The following PCDHA1 variants were observed in gnomAD, a reference collection of about 807,000 sequenced individuals.
The protein encoded by PCDHA1 is protocadherin alpha 1.
A neutral mutation model predicts 61.3 loss-of-function variants in PCDHA1; 42 were observed. That is an observed-to-expected ratio of 0.69 (90% CI 0.54 to 0.89). The LOEUF is 0.89. Among genes scored for constraint, PCDHA1 ranks in the 40% least tolerant of loss-of-function variants. The probability of loss-of-function intolerance (pLI) is 0.00; values close to 1 mark genes in which losing one functional copy is unlikely to be tolerated. For synonymous variants in PCDHA1, 610 were observed against 553.8 expected, an observed-to-expected ratio of 1.10 and a Z score of -1.43; for missense variants, 1,256 against 1,235.3, an observed-to-expected ratio of 1.02 and a Z score of -0.25.
At chr5:140,857,449 C>T (rs2044602345) in intron 1 of PCDHA1, 1 of 1,598,510 alleles carries the variant, frequency 6.3e-7, no homozygotes, top group East Asian at 2.2e-5. Context: ...AGGAGAACAA[C>T]CCGCCAGGCT....
At chr5:140,929,122 G>A (rs782041922) in intron 1 of PCDHA1, 24 of 1,614,096 alleles carry the variant, frequency 1.5e-5, no homozygotes, top group Non-Finnish European at 1.8e-5. Flanking sequence ...CACCATAGAT[G>A]TCACTACAGT....
In PCDHA1 at chr5:140,871,203, C is replaced by A. The variant is rs369236762; in HGVS notation, c.2394+82519C>A. On this transcript the variant is annotated intron_variant, in intron 1 of 3. Transcript: ENST00000504120. ...TGGTGGATGTCAACGTGTACCTGAT[C>A]ATCGCCATCTGCGTGGTGTCCAGCC... The A allele has an allele frequency of 6.3e-5, 101 of 1,613,744 alleles. No homozygotes were observed. The African/African-American group carries it at 1.3e-3, about 21-fold the overall frequency.
rs2150475215 is a variant in PCDHA1 at position 140,850,243 on chromosome 5, G to C, written c.2394+61559G>C. 8.4e-5 allele frequency: 134 copies of C among 1,593,880 alleles called. 16 individuals are homozygous for C. Among genetic ancestry groups the C allele is most frequent in the South Asian group, 5.0e-4 (45 of 90,414 alleles). On this transcript the variant is annotated intron_variant, in intron 1 of 3. Transcript: ENST00000504120. ...GGCGCAGTGAGCGAGATGGTGCTGC[G>C]GTCGGTGGGCGCCGGCGTAGTGGTG... is the stretch of plus-strand genomic sequence containing the variant.
At chr5:140,919,510 T>G (rs750733245) in intron 1 of PCDHA1, among the ~76,000 whole-genome samples, 2 of 152,208 alleles carry the variant, frequency 1.3e-5, no homozygotes, top group Non-Finnish European at 2.9e-5. Context: ...TTTTTCTATA[T>G]GTTTTAATTC....
At position 140,828,002 on chromosome 5, in the gene PCDHA1, G is replaced by A. The variant is rs2150150131; in HGVS notation, c.2394+39318G>A. 1.2e-5 allele frequency: 18 copies of A among 1,499,082 alleles called. No individual in the cohort carries two copies. In the African/African-American group the frequency reaches 1.5e-4, roughly 13 times the overall value. 92.9% of individuals were successfully genotyped at this position (1,499,082 alleles called of 1,614,324 possible). ...TGACTGTTGAATGATGGCGGACGCAGAAGAAATGGATTAATAAATTCCGGA... is the reference window on the plus strand; with the variant it reads ...TGACTGTTGAATGATGGCGGACGCAAAAGAAATGGATTAATAAATTCCGGA... On this transcript the variant is annotated intron_variant, in intron 1 of 3. Transcript: ENST00000504120.
At chr5:140,843,023 C>A (rs2150350362) in intron 1 of PCDHA1, 2 of 1,595,030 alleles carry the variant, frequency 1.3e-6, no homozygotes. Context: ...ACTGCTGGAG[C>A]CTCGGGTGGG....
chr5:140,808,330 C>A, intron 1 of PCDHA1: 1 of 1,614,262 alleles, frequency 6.2e-7, no homozygotes, highest in East Asian at 2.2e-5. Flanking sequence ...ACATGGGTGT[C>A]AATGGGCTGG....
intron 1 of PCDHA1, among the ~76,000 whole-genome samples, chr5:140,975,382 A>G (rs1219046015): frequency 1.3e-5 from 2 of 152,258 alleles, no homozygotes; most frequent in African/African-American, 4.8e-5. Flanking sequence ...AATCATGGGA[A>G]TAAGATCCAT....
At chr5:140,955,847 T>C (rs2095231839) in intron 1 of PCDHA1, among the ~76,000 whole-genome samples, 2 of 152,216 alleles carry the variant, frequency 1.3e-5, no homozygotes, top group Non-Finnish European at 2.9e-5. Context: ...TCATTCTCCT[T>C]GAAGAGGTCC....
chr5:140,973,450 T>C (rs1326852534), intron 1 of PCDHA1, among the ~76,000 whole-genome samples: 1 of 152,250 alleles, frequency 6.6e-6, no homozygotes, highest in Non-Finnish European at 1.5e-5. Context: ...TTATAATGAC[T>C]GGGGCTGTTT....
At chr5:140,804,056 T>A (rs782242536) in intron 1 of PCDHA1, 1 of 163,856 alleles carries the variant, frequency 6.1e-6, no homozygotes, top group Non-Finnish European at 1.3e-5. Flanking sequence ...CTATTGATTA[T>A]GCTTTTCCAC....
intron 1 of PCDHA1, among the ~76,000 whole-genome samples, chr5:140,855,699 C>A (rs901621120): frequency 6.7e-6 from 1 of 149,362 alleles, no homozygotes; most frequent in Non-Finnish European, 1.5e-5. Context: ...AAACATTGCA[C>A]GTGGGATCAA....
At chr5:140,944,413 C>T (rs892243235) in intron 1 of PCDHA1, among the ~76,000 whole-genome samples, 3 of 152,292 alleles carry the variant, frequency 2.0e-5, no homozygotes, top group African/African-American at 7.2e-5. Context: ...TCTCGAACTC[C>T]TGATCTGAAG....
At chr5:140,823,245 C>A in intron 1 of PCDHA1, 2 of 1,613,492 alleles carry the variant, frequency 1.2e-6, no homozygotes, top group Non-Finnish European at 1.7e-6. Flanking sequence ...CCCTGGTGTC[C>A]TACTCGCTGG....
At position 140,787,736 on chromosome 5, in the gene PCDHA1, G is replaced by C; in HGVS notation, c.1446G>C (p.Ala482=). 6.2e-7 allele frequency: 1 copy of C among 1,613,556 alleles called. No individual in the cohort carries two copies. Among genetic ancestry groups the C allele is most frequent in the African/African-American group, 1.3e-5 (1 of 75,040 alleles). Residue 482 remains alanine, a synonymous_variant, in exon 1 of 4, where the codon GCG becomes GCC. Transcript: ENST00000504120. ...CHIFTVSARD[A]DAQENALVSY... is the part of the protein sequence containing the mutation. ...TCTTCACGGTGTCTGCGCGGGACGC[G>C]GACGCGCAGGAGAACGCGCTGGTGT...
In PCDHA1 at chr5:140,787,813, T is replaced by C. The variant is rs370695877; in HGVS notation, c.1523T>C (p.Val508Ala). 6.2e-6 allele frequency: 10 copies of C among 1,612,428 alleles called. No homozygotes were observed. The highest frequency in any genetic ancestry group is 8.5e-6 in the Non-Finnish European group (10 of 1,179,770). Residue 508 changes from valine (V) to alanine (A), a missense_variant, in exon 1 of 4, where the codon GTG becomes GCG. Coordinates refer to ENST00000504120, the MANE Select transcript of PCDHA1 (RefSeq NM_018900.4). ...GGCGAGCGCGCGCTGTCGAACTACG[T>C]GTCAGTGCACGCGGAGAGCGGCAAG... ...RVGERALSNY[V>A]SVHAESGKVY...
At chr5:140,907,099 C>T (rs2073164781) in intron 1 of PCDHA1, among the ~76,000 whole-genome samples, 1 of 152,108 alleles carries the variant, frequency 6.6e-6, no homozygotes, top group Admixed American at 6.5e-5. Flanking sequence ...GGTGCCACTT[C>T]CACTTCCACC....
intron 1 of PCDHA1, chr5:140,834,595 G>T: frequency 6.2e-7 from 1 of 1,614,156 alleles, no homozygotes; most frequent in Non-Finnish European, 8.5e-7. Context: ...TGCAAATTCC[G>T]TGGGGATCTT....
intron 1 of PCDHA1, chr5:140,824,143 T>C (rs2150132574): frequency 3.1e-6 from 5 of 1,612,198 alleles, no homozygotes; most frequent in Non-Finnish European, 1.7e-6. Context: ...TTTTCTAATA[T>C]TAACATCCAT....
Sources: allele counts gnomAD v4.1 joint callset (sites outside exome capture counted in the v4.1 genomes callset), GRCh38; gene constraint gnomAD v4.1.1; transcripts MANE v1.5; gene names NCBI Gene and HGNC (gene_info 2026-07-23, HGNC 2026-07-21).